The following PIK3C2G variants were observed in gnomAD, a reference collection of about 807,000 sequenced individuals.
The protein encoded by PIK3C2G is phosphatidylinositol-4-phosphate 3-kinase catalytic subunit type 2 gamma.
Under a neutral mutation model 181.1 loss-of-function variants are expected in PIK3C2G, and 168 were observed. The observed-to-expected ratio is 0.93, with a 90% CI of 0.82 to 1.05. The LOEUF is 1.05. Among genes scored for constraint, PIK3C2G ranks in the 50% least tolerant of loss-of-function variants. The pLI is 0.00. For synonymous variants in PIK3C2G, 573 were observed against 592.2 expected, an observed-to-expected ratio of 0.97 and a Z score of 0.47; for missense variants, 1,869 against 1,732.8, an observed-to-expected ratio of 1.08 and a Z score of -1.40.
chr12:18,585,040 G>A (rs989974732), intron 29 of PIK3C2G, among the ~76,000 whole-genome samples: 3 of 152,098 alleles, frequency 2.0e-5, no homozygotes, highest in Non-Finnish European at 4.4e-5. Flanking sequence ...GATCGTGAAA[G>A]GAGCACTAAA....
At chr12:18,559,821 T>TATATATAG (rs1945244509) in intron 26 of PIK3C2G, among the ~76,000 whole-genome samples, 2 of 18,370 alleles carry the variant, frequency 1.1e-4, no homozygotes, top group Non-Finnish European at 1.9e-4. Context: ...TATATATATA[T>TATATATAG]AGAGAGAGAG....
At chr12:18,481,081 T>C (rs1205347757) in intron 18 of PIK3C2G, among the ~76,000 whole-genome samples, 1 of 144,810 alleles carries the variant, frequency 6.9e-6, no homozygotes, top group Non-Finnish European at 1.5e-5. Context: ...TACAGGCACA[T>C]GCCACCACAT....
At chr12:18,393,545 C>T (rs1243049038) in intron 15 of PIK3C2G, among the ~76,000 whole-genome samples, 2 of 151,964 alleles carry the variant, frequency 1.3e-5, no homozygotes, top group East Asian at 1.9e-4. Flanking sequence ...AAAAAAACTT[C>T]TTGATGTCAA....
At chr12:18,388,793 CAGA>C (rs1274338197) in intron 14 of PIK3C2G, among the ~76,000 whole-genome samples, 2 of 152,086 alleles carry the variant, frequency 1.3e-5, no homozygotes, top group African/African-American at 4.8e-5. Context: ...AAAGGATGAG[CAGA>C]AGAAGTGAAG....
intron 18 of PIK3C2G, among the ~76,000 whole-genome samples, chr12:18,450,652 GCTCGTGCCTATGTTC>G (rs1363316586): frequency 2.0e-5 from 3 of 152,130 alleles, no homozygotes; most frequent in African/African-American, 7.2e-5. Flanking sequence ...TGAAGTCTTT[GCTCGTGCCTATGTTC>G]CTGAGTGGTA....
chr12:18,563,648 C>T, intron 28 of PIK3C2G, 150 bp downstream of exon 28: 1 of 609,336 alleles, frequency 1.6e-6, no homozygotes, highest in Non-Finnish European at 2.6e-6. Context: ...GTCTGAATTG[C>T]TCTCAGAGTG....
chr12:18,458,957 C>T (rs1247952984), intron 18 of PIK3C2G, among the ~76,000 whole-genome samples: 1 of 151,814 alleles, frequency 6.6e-6, no homozygotes, highest in Non-Finnish European at 1.5e-5. Flanking sequence ...TGAGTATTTT[C>T]CCAGAGCCTT....
At chr12:18,458,552 C>G (rs1012312791) in intron 18 of PIK3C2G, among the ~76,000 whole-genome samples, 1 of 152,006 alleles carries the variant, frequency 6.6e-6, no homozygotes, top group Non-Finnish European at 1.5e-5. Context: ...CTAGCCAGAT[C>G]CCCTGCCCTA....
At chr12:18,298,065 T>C (rs952440418) in intron 5 of PIK3C2G, among the ~76,000 whole-genome samples, 3 of 152,016 alleles carry the variant, frequency 2.0e-5, no homozygotes, top group African/African-American at 7.2e-5. Context: ...CTGAATTGCA[T>C]GGTAGTTCTA....
chr12:18,642,589 G>C (rs1274910701), intron 32 of PIK3C2G, among the ~76,000 whole-genome samples: 1 of 152,044 alleles, frequency 6.6e-6, no homozygotes, highest in East Asian at 1.9e-4. Flanking sequence ...CCTCAGATGT[G>C]AACTCTGCAA....
intron 31 of PIK3C2G, among the ~76,000 whole-genome samples, chr12:18,611,335 A>G (rs561663504): frequency 1.9e-4 from 29 of 152,244 alleles, no homozygotes; most frequent in African/African-American, 5.8e-4. Context: ...CTAATGATGT[A>G]GTAATACTTG....
intron 5 of PIK3C2G, among the ~76,000 whole-genome samples, chr12:18,298,907 T>A (rs1304571484): frequency 6.6e-6 from 1 of 151,888 alleles, no homozygotes; most frequent in Non-Finnish European, 1.5e-5. Flanking sequence ...CATTAGCCTA[T>A]GTGTTTGTTT....
Position 18,497,734 on chromosome 12 carries a change from C to T in PIK3C2G, c.3002C>T (p.Thr1001Ile), listed in dbSNP as rs1162221589. 4 of 1,611,468 alleles carry T rather than the reference C, an allele frequency of 2.5e-6. No individual in the cohort carries two copies. Among genetic ancestry groups the T allele is most frequent in the South Asian group, 1.1e-5 (1 of 90,852 alleles). ...ATGATCATTTATAGATGTCTATCCA[C>T]AGGAAAAGACCAAGGTCAGTATAGA... ...MQMIIYRCLSTGKDQGLVQMV... is the reference protein window; with the variant it reads ...MQMIIYRCLSIGKDQGLVQMV... Residue 1001 changes from threonine to isoleucine, a missense_variant, in exon 22 of 33, where the codon ACA becomes ATA. By Grantham distance (89) the Thr-to-Ile change is moderately conservative. Transcript: ENST00000538779.
intron 24 of PIK3C2G, among the ~76,000 whole-genome samples, chr12:18,514,860 G>A (rs561750051): frequency 6.6e-6 from 1 of 151,914 alleles, no homozygotes; most frequent in South Asian, 2.1e-4. Context: ...TCCTCATTTT[G>A]TATGATGTTA....
chr12:18,272,463 T>A lies in PIK3C2G; in HGVS notation c.-78-9541T>A, dbSNP rs115481303. ...ACCAATGCTTGATGCCTAGTTTTTATAATTCATTAGTTTCTGTAAAATATT... is the reference window on the plus strand; with the variant it reads ...ACCAATGCTTGATGCCTAGTTTTTAAAATTCATTAGTTTCTGTAAAATATT... On this transcript the variant is annotated intron_variant, in intron 1 of 32. Transcript: ENST00000538779. Among the ~76,000 whole-genome samples the A allele has an allele frequency of 4.6e-3, 708 of 152,316 alleles. 3 individuals carry two copies. The highest frequency in any genetic ancestry group is 0.016 in the African/African-American group (677 of 41,578).
intron 6 of PIK3C2G, 119 bp from the exon 7 acceptor site, chr12:18,320,843 G>GAA: frequency 4.7e-6 from 3 of 638,320 alleles, no homozygotes; most frequent in Non-Finnish European, 8.4e-6. Context: ...ATATAAAAGC[G>GAA]ATGAATGAGG....
chr12:18,675,143 T>C, the PIK3C2G span, among the ~76,000 whole-genome samples: 1 of 152,210 alleles, frequency 6.6e-6, no homozygotes, highest in Non-Finnish European at 1.5e-5. Flanking sequence ...TATTTGATTT[T>C]AATTTATTTA....
chr12:18,523,617 TG>T, intron 24 of PIK3C2G, among the ~76,000 whole-genome samples: 1 of 152,344 alleles, frequency 6.6e-6, no homozygotes, highest in East Asian at 1.9e-4. Context: ...GCTCCCTCCA[TG>T]GGTAACTGCT....
At chr12:18,616,504 C>T (rs75465229) in intron 31 of PIK3C2G, among the ~76,000 whole-genome samples, 3,446 of 152,098 alleles carry the variant, frequency 0.023, 147 homozygotes, top group African/African-American at 0.079. Flanking sequence ...TCTTAACATC[C>T]GTCTCACTTA....
Sources: allele counts gnomAD v4.1 joint callset (sites outside exome capture counted in the v4.1 genomes callset), GRCh38; gene constraint gnomAD v4.1.1; transcripts MANE v1.5; gene names NCBI Gene and HGNC (gene_info 2026-07-23, HGNC 2026-07-21).